The following FANCB variants were observed in gnomAD, a reference collection of about 807,000 sequenced individuals.
FANCB encodes the protein FA complementation group B, also known as Fanconi anemia group B protein.
A neutral mutation model predicts 38.9 loss-of-function variants in FANCB; 5 were observed. That is an observed-to-expected ratio of 0.13 (90% CI 0.07 to 0.27). FANCB has a LOEUF of 0.27. Ranked by LOEUF, FANCB falls within the 10% of genes least tolerant of loss-of-function variation. The probability of loss-of-function intolerance (pLI) is 1.00; values close to 1 mark genes in which losing one functional copy is unlikely to be tolerated. For synonymous variants in FANCB, 236 were observed against 215.4 expected (o/e 1.10, Z -0.84); for missense variants, 573 against 602.7 (o/e 0.95, Z 0.52).
intron 6 of FANCB, among the ~76,000 whole-genome samples, chrX:14,851,965 G>A (rs1047491884): frequency 8.9e-6 from 1 of 111,858 alleles, no homozygotes; most frequent in South Asian, 3.7e-4. Context: ...AAGGAAGTCA[G>A]AGCTAGGCAC....
At chrX:14,707,741 CT>C in the FANCB span, among the ~76,000 whole-genome samples, 1 of 91,371 alleles carries the variant, frequency 1.1e-5, no homozygotes, top group Non-Finnish European at 2.2e-5. Flanking sequence ...TGTTTTCCTA[CT>C]TTGACAGCAA....
downstream of FANCB, among the ~76,000 whole-genome samples, chrX:14,841,906 T>C (rs2905222): frequency 0.37 from 40,866 of 110,536 alleles, 5,805 homozygotes; most frequent in East Asian, 0.81. Context: ...ATAAGCAATA[T>C]GCTATTTTTA....
intron 2 of FANCB, among the ~76,000 whole-genome samples, chrX:14,867,117 T>C (rs2092472749): frequency 8.9e-6 from 1 of 111,746 alleles, no homozygotes; most frequent in Non-Finnish European, 1.9e-5. Flanking sequence ...CCCATGCTCA[T>C]GGATTGGTAG....
the FANCB span, among the ~76,000 whole-genome samples, chrX:14,748,633 C>T: frequency 8.9e-6 from 1 of 112,425 alleles, no homozygotes; most frequent in Non-Finnish European, 1.9e-5. Flanking sequence ...GGAAATAGAC[C>T]ATGACTTTCT....
chrX:14,700,381 C>G, the FANCB span, among the ~76,000 whole-genome samples: 1 of 110,347 alleles, frequency 9.1e-6, no homozygotes. Context: ...CAGTGTAAGG[C>G]AAGGCAGAGG....
the FANCB span, among the ~76,000 whole-genome samples, chrX:14,823,693 C>T: frequency 9.0e-6 from 1 of 111,670 alleles, no homozygotes; most frequent in Non-Finnish European, 1.9e-5. Flanking sequence ...GGTAAATTTA[C>T]TAAAACAAAA....
chrX:14,696,701 G>T, the FANCB span, among the ~76,000 whole-genome samples: 1 of 112,024 alleles, frequency 8.9e-6, no homozygotes, highest in Non-Finnish European at 1.9e-5. Flanking sequence ...GACGCCAAAG[G>T]ATCTGGGTTT....
At chrX:14,768,442 C>A in the FANCB span, among the ~76,000 whole-genome samples, 1 of 111,151 alleles carries the variant, frequency 9.0e-6, no homozygotes, top group African/African-American at 3.3e-5. Context: ...GGCGTTCATT[C>A]ATGATTTGGC....
chrX:14,822,066 G>C, the FANCB span, among the ~76,000 whole-genome samples: 2 of 111,492 alleles, frequency 1.8e-5, no homozygotes, highest in African/African-American at 3.3e-5. Context: ...CACCAGACTA[G>C]AGTGCAAGAG....
chrX:14,789,035 C>A, the FANCB span, among the ~76,000 whole-genome samples: 2 of 111,844 alleles, frequency 1.8e-5, no homozygotes, highest in African/African-American at 6.5e-5. Flanking sequence ...AGAGTCAGGT[C>A]CTATCCTATG....
chrX:14,724,770 G>A, the FANCB span, among the ~76,000 whole-genome samples: 2 of 110,243 alleles, frequency 1.8e-5, no homozygotes, highest in Admixed American at 2.0e-4. Flanking sequence ...TTTTTCTTTT[G>A]GAAAAATTGC....
chrX:14,719,012 G>A, the FANCB span, among the ~76,000 whole-genome samples: 1 of 111,590 alleles, frequency 9.0e-6, no homozygotes, highest in African/African-American at 3.3e-5. Flanking sequence ...GGCCATCTTT[G>A]ACAAATACAT....
the FANCB span, among the ~76,000 whole-genome samples, chrX:14,757,226 C>T: frequency 8.9e-6 from 1 of 112,145 alleles, no homozygotes; most frequent in African/African-American, 3.2e-5. Flanking sequence ...CTACATCCCA[C>T]GGAATGGAAA....
the FANCB span, among the ~76,000 whole-genome samples, chrX:14,749,718 C>T: frequency 8.9e-6 from 1 of 111,948 alleles, no homozygotes; most frequent in East Asian, 2.8e-4. Flanking sequence ...ACTGGCACGT[C>T]AGAGAGGAGC....
At chrX:14,864,143 T>C (rs373349426) in intron 3 of FANCB, among the ~76,000 whole-genome samples, 1 of 109,927 alleles carries the variant, frequency 9.1e-6, no homozygotes, top group East Asian at 2.8e-4. Context: ...TCAAAAAAAA[T>C]ATAAAAAAAT....
chrX:14,704,294 G>A, the FANCB span, among the ~76,000 whole-genome samples: 1 of 112,339 alleles, frequency 8.9e-6, no homozygotes, highest in Admixed American at 9.4e-5. Flanking sequence ...TTTCATAAAG[G>A]CTATGATGGC....
the FANCB span, among the ~76,000 whole-genome samples, chrX:14,808,405 C>A: frequency 9.0e-6 from 1 of 111,654 alleles, no homozygotes; most frequent in African/African-American, 3.3e-5. Context: ...TAGGATGGTT[C>A]AGCATATGCA....
the FANCB span, among the ~76,000 whole-genome samples, chrX:14,750,102 T>C: frequency 1.8e-5 from 2 of 111,922 alleles, no homozygotes; most frequent in Admixed American, 9.5e-5. Context: ...GATAATCAGA[T>C]TGAGGCTCTG....
the FANCB span, among the ~76,000 whole-genome samples, chrX:14,724,088 GTTTA>G: frequency 9.0e-6 from 1 of 111,167 alleles, no homozygotes; most frequent in Admixed American, 9.6e-5. Context: ...TACCTTAACT[GTTTA>G]TTTTTTTCCA....
Sources: allele counts gnomAD v4.1 joint callset (sites outside exome capture counted in the v4.1 genomes callset), GRCh38; gene constraint gnomAD v4.1.1; transcripts MANE v1.5; gene names NCBI Gene and HGNC (gene_info 2026-07-23, HGNC 2026-07-21).